The following ZNF385D variants were observed in gnomAD, a reference collection of about 807,000 sequenced individuals.
ZNF385D encodes the protein zinc finger protein 385D.
ZNF385D carries 15 observed loss-of-function variants against 35.8 expected under a neutral mutation model. The observed-to-expected ratio is 0.42, with a 90% confidence interval of 0.28 to 0.64. ZNF385D has a LOEUF of 0.64. Ranked by LOEUF, ZNF385D falls within the 30% of genes least tolerant of loss-of-function variation. The probability of loss-of-function intolerance (pLI) is 0.23; values close to 1 mark genes in which losing one functional copy is unlikely to be tolerated. For synonymous variants in ZNF385D, 212 were observed against 186.8 expected, an observed-to-expected ratio of 1.13 and a Z score of -1.10; for missense variants, 474 against 494.6, an observed-to-expected ratio of 0.96 and a Z score of 0.39.
At chr3:21,993,151 T>A (rs935049906) in intron 3 of ZNF385D, among the ~76,000 whole-genome samples, 1 of 152,190 alleles carries the variant, frequency 6.6e-6, no homozygotes, top group Non-Finnish European at 1.5e-5. Flanking sequence ...GGAAAAGATA[T>A]CAGCTATGGA....
intron 3 of ZNF385D, among the ~76,000 whole-genome samples, chr3:22,104,524 T>C (rs1702107509): frequency 6.6e-6 from 1 of 151,930 alleles, no homozygotes. Flanking sequence ...TACAACCACA[T>C]GATTTTGGCA....
At chr3:21,936,075 C>T (rs778044639) in intron 3 of ZNF385D, among the ~76,000 whole-genome samples, 1 of 151,880 alleles carries the variant, frequency 6.6e-6, no homozygotes, top group Non-Finnish European at 1.5e-5. Flanking sequence ...ACTAATATGG[C>T]CAGAGACCAG....
intron 1 of ZNF385D, among the ~76,000 whole-genome samples, chr3:21,740,151 A>G (rs999345161): frequency 1.3e-5 from 2 of 152,196 alleles, no homozygotes; most frequent in African/African-American, 4.8e-5. Flanking sequence ...TGTCACCGTA[A>G]TTGGAGCTCA....
intron 3 of ZNF385D, among the ~76,000 whole-genome samples, chr3:21,940,314 G>A (rs190222187): frequency 1.3e-5 from 2 of 152,182 alleles, no homozygotes; most frequent in East Asian, 3.9e-4. Context: ...AGTTCACCCA[G>A]TTCACCCATT....
upstream of ZNF385D, chr3:21,751,364 G>A (rs1050238602): frequency 9.6e-7 from 1 of 1,041,734 alleles, no homozygotes. Context: ...AGTGAGGGGC[G>A]CGGGAGGCTC....
chr3:22,254,693 G>A (rs1019115532), intron 2 of ZNF385D, among the ~76,000 whole-genome samples: 1 of 151,770 alleles, frequency 6.6e-6, no homozygotes, highest in African/African-American at 2.4e-5. Flanking sequence ...TTGGGCACAG[G>A]AAGGGATTAA....
intron 3 of ZNF385D, among the ~76,000 whole-genome samples, chr3:21,955,071 T>C (rs1702225225): frequency 6.6e-6 from 1 of 152,174 alleles, no homozygotes; most frequent in Admixed American, 6.5e-5. Flanking sequence ...CCAACAGATG[T>C]TTTTGTGTTT....
intron 2 of ZNF385D, among the ~76,000 whole-genome samples, chr3:21,605,544 T>G (rs1004466295): frequency 6.6e-6 from 1 of 152,210 alleles, no homozygotes; most frequent in African/African-American, 2.4e-5. Context: ...TGGCGTAAGC[T>G]AGTTAATGAA....
rs570663422 is a variant in ZNF385D, at chr3:22,112,517, T to G, written c.325+56300A>C. Among the ~76,000 whole-genome samples, 3 of 152,174 alleles carry G rather than the reference T, an allele frequency of 2.0e-5. No individual in the cohort carries two copies. In the East Asian group the frequency reaches 5.8e-4, roughly 29 times the overall value. On this transcript the variant is annotated intron_variant, in intron 3 of 5. Transcript: ENST00000494108. ...TGATAAGCAAAATTATATTTATCAATTTATCAATGTATGTAAATCTATTAA... is the reference window on the plus strand; with the variant it reads ...TGATAAGCAAAATTATATTTATCAAGTTATCAATGTATGTAAATCTATTAA...
At chr3:22,026,966 G>T in intron 3 of ZNF385D, among the ~76,000 whole-genome samples, 1 of 152,190 alleles carries the variant, frequency 6.6e-6, no homozygotes, top group East Asian at 1.9e-4. Flanking sequence ...ACCACATGTG[G>T]TTTCATTGCT....
At chr3:21,753,136 A>G (rs1453742930), upstream of ZNF385D, among the ~76,000 whole-genome samples, 4 of 152,204 alleles carry the variant, frequency 2.6e-5, no homozygotes, top group African/African-American at 9.6e-5. Context: ...TTCACATGTC[A>G]TCTTTATTAC....
intron 2 of ZNF385D, among the ~76,000 whole-genome samples, chr3:22,265,397 T>C (rs1245488338): frequency 1.3e-5 from 2 of 151,990 alleles, no homozygotes; most frequent in African/African-American, 4.8e-5. Context: ...TGTGAAACAT[T>C]ATTGGCAAAT....
chr3:22,245,379 T>G lies in ZNF385D; in HGVS notation c.107-76344A>C, dbSNP rs116360319. On this transcript the variant is annotated intron_variant, in intron 2 of 5. Coordinates refer to the ZNF385D transcript ENST00000494108. ...CTTTCCAAGGAAAGCATGCTGCTAC[T>G]TACACTGCAGCAAATTCCACATAAA... Among the ~76,000 whole-genome samples, 521 of 151,726 alleles carry G rather than the reference T, an allele frequency of 3.4e-3. 3 individuals carry two copies. The highest frequency in any genetic ancestry group is 0.011 in the African/African-American group (474 of 41,354).
rs501056 is a variant in ZNF385D at position 21,951,457 on chromosome 3, C to T, written c.325+217360G>A. Reference sequence around the variant, plus strand: ...TAAGGAGATTTGGGGCTGAGACGATCGGGTATTCTAAATAAATATACAATC... The same window carrying T: ...TAAGGAGATTTGGGGCTGAGACGATTGGGTATTCTAAATAAATATACAATC... On this transcript the variant is annotated intron_variant, in intron 3 of 5. Transcript: ENST00000494108. 4.0e-5 allele frequency among the ~76,000 whole-genome samples: 6 copies of T among 151,180 alleles called. No homozygotes were observed. In the South Asian group the frequency reaches 1.2e-3, roughly 31 times the overall value.
At chr3:21,996,745 C>A (rs34800159) in intron 3 of ZNF385D, among the ~76,000 whole-genome samples, 16,204 of 152,034 alleles carry the variant, frequency 0.11, 1,156 homozygotes, top group South Asian at 0.26. Context: ...GAATAGGAAC[C>A]CCCCTAAAAC....
intron 2 of ZNF385D, among the ~76,000 whole-genome samples, chr3:21,592,658 C>T (rs79880734): frequency 6.6e-6 from 1 of 151,844 alleles, no homozygotes. Context: ...TATGTTTGCT[C>T]AAACTCCCAT....
At chr3:21,859,616 T>A (rs931252161) in intron 3 of ZNF385D, among the ~76,000 whole-genome samples, 16 of 150,714 alleles carry the variant, frequency 1.1e-4, no homozygotes, top group African/African-American at 3.9e-4. Flanking sequence ...AGACCTCTCC[T>A]CCCTGTGAAG....
intron 4 of ZNF385D, among the ~76,000 whole-genome samples, chr3:21,510,080 A>G (rs1210544652): frequency 1.3e-5 from 2 of 152,188 alleles, no homozygotes; most frequent in Admixed American, 1.3e-4. Flanking sequence ...TTGAGGTGTA[A>G]CAGTCTCTGT....
chr3:22,082,950 C>T (rs555088615), intron 3 of ZNF385D, among the ~76,000 whole-genome samples: 1 of 152,294 alleles, frequency 6.6e-6, no homozygotes, highest in Non-Finnish European at 1.5e-5. Context: ...TGGGGTGGAC[C>T]TCCAGCAAAC....
Sources: allele counts gnomAD v4.1 joint callset (sites outside exome capture counted in the v4.1 genomes callset), GRCh38; gene constraint gnomAD v4.1.1; transcripts MANE v1.5; gene names NCBI Gene and HGNC (gene_info 2026-07-23, HGNC 2026-07-21).